The following CCL20 variants were observed in gnomAD, a reference collection of about 807,000 sequenced individuals.
CCL20 encodes C-C motif chemokine ligand 20, also known as C-C motif chemokine 20.
CCL20 carries 8 observed loss-of-function variants against 10.8 expected under a neutral mutation model. The ratio of observed to expected loss-of-function variants is 0.74; its 90% CI spans 0.44 to 1.34. The LOEUF (loss-of-function observed/expected upper bound fraction) is 1.34. Ranked by LOEUF, CCL20 falls within the 40% of genes most tolerant of loss-of-function variation. The probability of loss-of-function intolerance (pLI) is 0.01; values close to 1 mark genes in which losing one functional copy is unlikely to be tolerated. For synonymous variants in CCL20, 40 were observed against 39.4 expected, an observed-to-expected ratio of 1.02 and a Z score of -0.06; for missense variants, 107 against 117.9, an observed-to-expected ratio of 0.91 and a Z score of 0.43.
rs537739151 is a variant in CCL20, at chr2:227,814,927, T to C, written c.77-527T>C. On this transcript the variant is annotated intron_variant, in intron 1 of 3. Transcript: ENST00000358813. ...TTTTATGAACAAAATTAAACATTCC[T>C]ATTAATTAATAGGACAATTTCAAAG... is the stretch of plus-strand genomic sequence containing the variant. Among the ~76,000 whole-genome samples the C allele has an allele frequency of 3.3e-5, 5 of 152,290 alleles. No homozygotes were observed. In the East Asian group the frequency reaches 9.6e-4, roughly 29 times the overall value.
chr2:227,815,370 C>A, intron 1 of CCL20, 84 bp from the exon 2 acceptor site: 1 of 684,774 alleles, frequency 1.5e-6, no homozygotes, highest in Non-Finnish European at 2.5e-6. Context: ...AGATTTTTCA[C>A]AACTTAAGGT....
chr2:227,817,283 G>A lies in CCL20; in HGVS notation c.*200G>A, dbSNP rs1338003507. 1 of 396,820 alleles carries A rather than the reference G, an allele frequency of 2.5e-6. No homozygotes were observed. The highest frequency in any genetic ancestry group is 4.6e-6 in the Non-Finnish European group (1 of 216,116). The allele number at this position is 396,820 out of a possible 1,614,324, so 24.6% of individuals were successfully genotyped here. ...TTAAGCATCACATTAAAGTTAAACTGTATTTTATGTTATTTATAGCTGTAG... is the reference window on the plus strand; with the variant it reads ...TTAAGCATCACATTAAAGTTAAACTATATTTTATGTTATTTATAGCTGTAG... On this transcript the variant is annotated 3_prime_UTR_variant, in exon 4 of 4. Coordinates refer to ENST00000358813, the MANE Select transcript of CCL20 (RefSeq NM_004591.3).
Position 227,816,369 on chromosome 2 carries a change from TTG to T in CCL20, c.257_258del (p.Val86AlafsTer5), listed in dbSNP as rs1690025462. 2 of 1,600,936 alleles carry T rather than the reference TTG, an allele frequency of 1.2e-6. No homozygotes were observed. The highest frequency in any genetic ancestry group is 2.7e-5 in the African/African-American group (2 of 74,674). On this transcript the variant is annotated frameshift_variant, in exon 3 of 4. Coordinates refer to ENST00000358813, the MANE Select transcript of CCL20 (RefSeq NM_004591.3). LOFTEE classifies it high-confidence loss of function. ...CCAAAACAGACTTGGGTGAAATATA[TTG>T]TGCGTCTCCTCAGGTATGTTACACT...
chr2:227,813,858 C>A lies in CCL20; in HGVS notation c.-54C>A. 1 of 1,385,284 alleles carries A rather than the reference C, an allele frequency of 7.2e-7. No individual in the cohort carries two copies. The highest frequency in any genetic ancestry group is 1.0e-6 in the Non-Finnish European group (1 of 971,588). The allele number at this position is 1,385,284 out of a possible 1,614,324, so 85.8% of individuals were successfully genotyped here. Reference sequence around the variant, plus strand: ...GCTGCTGTCAGAATATAACAGCACTCCCAAAGAACTGGGTACTCAACACTG... The same window carrying A: ...GCTGCTGTCAGAATATAACAGCACTACCAAAGAACTGGGTACTCAACACTG... On this transcript the variant is annotated 5_prime_UTR_variant, in exon 1 of 4. Coordinates refer to ENST00000358813, the MANE Select transcript of CCL20 (RefSeq NM_004591.3).
At chr2:227,815,379 G>T in intron 1 of CCL20, 75 bp from the exon 2 acceptor site, 1 of 728,308 alleles carries the variant, frequency 1.4e-6, no homozygotes, top group Non-Finnish European at 2.4e-6. Flanking sequence ...ACAACTTAAG[G>T]TAGTTTTATA....
chr2:227,816,160 A>G (rs1690021760), intron 2 of CCL20, 147 bp from the exon 3 acceptor site: 3 of 564,748 alleles, frequency 5.3e-6, no homozygotes, highest in Non-Finnish European at 9.5e-6. Flanking sequence ...AATCTTCATC[A>G]GAAGCATTTT....
rs1007093063 is a variant in CCL20, at chr2:227,814,123, C to A, written c.76+136C>A. 5 of 749,456 alleles carry A rather than the reference C, an allele frequency of 6.7e-6. No individual in the cohort carries two copies. In the African/African-American group the frequency reaches 8.6e-5, roughly 13 times the overall value. 46.4% of individuals were successfully genotyped at this position (749,456 alleles called of 1,614,324 possible). On this transcript the variant is annotated intron_variant, in intron 1 of 3. Coordinates refer to ENST00000358813, the MANE Select transcript of CCL20 (RefSeq NM_004591.3). ...AAGAGGTAGTGATGGAAGTTGTCTG[C>A]CCATGGTGGAGTGGAGGAGAGAAGA...
At chr2:227,815,731 C>T (rs943493452) in intron 2 of CCL20, 163 bp downstream of exon 2, 11 of 566,798 alleles carry the variant, frequency 1.9e-5, no homozygotes, top group Non-Finnish European at 2.5e-5. Context: ...ATAGCTTTGT[C>T]TTAGTACATA....
At chr2:227,816,405 G>A in intron 3 of CCL20, 21 bp downstream of exon 3, 3 of 1,434,878 alleles carry the variant, frequency 2.1e-6, no homozygotes, top group Non-Finnish European at 2.9e-6. Flanking sequence ...CTGACATTTA[G>A]CCTTTGCAAA....
intron 1 of CCL20, among the ~76,000 whole-genome samples, chr2:227,814,279 T>C (rs570127961): frequency 3.4e-4 from 52 of 152,264 alleles, no homozygotes; most frequent in African/African-American, 1.2e-3. Flanking sequence ...ATAAAGTGTG[T>C]AATGTTACCA....
intron 1 of CCL20, among the ~76,000 whole-genome samples, chr2:227,815,108 C>T (rs554029531): frequency 6.6e-6 from 1 of 152,116 alleles, no homozygotes; most frequent in Non-Finnish European, 1.5e-5. Flanking sequence ...AGGGGCTGCT[C>T]ATATTCTTGA....
intron 3 of CCL20, among the ~76,000 whole-genome samples, chr2:227,816,622 A>G (rs1485325114): frequency 6.6e-6 from 1 of 152,242 alleles, no homozygotes; most frequent in East Asian, 1.9e-4. Flanking sequence ...TATGCATTTG[A>G]TAGTTACTAG....
At chr2:227,815,599 T>A in intron 2 of CCL20, 31 bp downstream of exon 2, 1 of 1,201,800 alleles carries the variant, frequency 8.3e-7, no homozygotes, top group Non-Finnish European at 1.2e-6. Flanking sequence ...AATTCAGTTG[T>A]ATCAGGAATA....
chr2:227,815,231 G>A (rs889299057), intron 1 of CCL20: 1 of 352,296 alleles, frequency 2.8e-6, no homozygotes, highest in East Asian at 4.5e-5. Flanking sequence ...AAAACTTCTC[G>A]GCACACAAAC....
At chr2:227,816,417 G>C (rs1236976750) in intron 3 of CCL20, 33 bp downstream of exon 3, 1 of 1,325,164 alleles carries the variant, frequency 7.5e-7, no homozygotes, top group East Asian at 2.3e-5. Flanking sequence ...CTTTGCAAAT[G>C]TTTGAGGAAA....
chr2:227,813,993 T>C lies in CCL20; in HGVS notation c.76+6T>C, dbSNP rs1689985661. ...CCTCTGCGGCGAATCAGAAGGTAAG[T>C]GTCGCTCTTTCCGCTAGCACAGAAG... On this transcript the variant is annotated splice_donor_region_variant and intron_variant, in intron 1 of 3. Transcript: ENST00000358813. 2 of 1,612,444 alleles carry C rather than the reference T, an allele frequency of 1.2e-6. No homozygotes were observed. Among genetic ancestry groups the C allele is most frequent in the Non-Finnish European group, 1.7e-6 (2 of 1,178,514 alleles).
chr2:227,816,961 T>G, intron 3 of CCL20, 101 bp from the exon 4 acceptor site: 163 of 828,690 alleles, frequency 2.0e-4, no homozygotes, highest in Non-Finnish European at 2.7e-4. Context: ...CATACTGAGT[T>G]GAGATTAAGG....
intron 1 of CCL20, 157 bp from the exon 2 acceptor site, chr2:227,815,297 G>T (rs574054569): frequency 2.0e-6 from 1 of 497,930 alleles, no homozygotes; most frequent in South Asian, 3.3e-5. Context: ...ACCTTACAAA[G>T]GTTTCCAAGA....
chr2:227,816,072 C>A, intron 2 of CCL20: 1 of 475,934 alleles, frequency 2.1e-6, no homozygotes, highest in South Asian at 3.1e-5. Flanking sequence ...TATGACAATT[C>A]TGGGACTTTA....
Sources: gnomAD v4.1 joint callset for allele counts (sites outside exome capture counted in the v4.1 genomes callset) on GRCh38, gnomAD v4.1.1 for gene constraint, MANE v1.5 for transcripts, NCBI Gene and HGNC (gene_info 2026-07-23, HGNC 2026-07-21) for gene names.